Variants in NEK1 observed in about 807,000 individuals in gnomAD.
NEK1 encodes the protein NIMA related kinase 1.
A neutral mutation model predicts 182.1 loss-of-function variants in NEK1; 137 were observed. That is an observed-to-expected ratio of 0.75 (90% CI 0.65 to 0.87). The LOEUF is 0.87. Ranked by LOEUF, NEK1 falls within the 40% of genes least tolerant of loss-of-function variation. The pLI is 0.00. For synonymous variants in NEK1, 513 were observed against 492.2 expected, an observed-to-expected ratio of 1.04 and a Z score of -0.56; for missense variants, 1,391 against 1,494.4, an observed-to-expected ratio of 0.93 and a Z score of 1.14.
chr4:169,572,307 T>C, intron 12 of NEK1, among the ~76,000 whole-genome samples: 1 of 152,144 alleles, frequency 6.6e-6, no homozygotes, highest in East Asian at 1.9e-4. Flanking sequence ...ATTGACAGGA[T>C]ATGACGTAGA....
intron 27 of NEK1, among the ~76,000 whole-genome samples, chr4:169,460,867 T>C (rs967702850): frequency 3.3e-5 from 5 of 152,050 alleles, no homozygotes; most frequent in Middle Eastern, 3.2e-3. Flanking sequence ...ACAAATAAAG[T>C]CATAAGACAA....
At chr4:169,437,685 A>G (rs891375442) in intron 28 of NEK1, among the ~76,000 whole-genome samples, 10 of 152,200 alleles carry the variant, frequency 6.6e-5, no homozygotes, top group Non-Finnish European at 1.5e-4. Flanking sequence ...CTGAAACCAC[A>G]TAAAGAGGGA....
At chr4:169,410,264 A>G (rs1190282209) in intron 31 of NEK1, among the ~76,000 whole-genome samples, 1 of 152,146 alleles carries the variant, frequency 6.6e-6, no homozygotes, top group Non-Finnish European at 1.5e-5. Flanking sequence ...AAGTTCAAAC[A>G]GGAGTACCAA....
chr4:169,422,955 A>C (rs1181405255), intron 31 of NEK1, among the ~76,000 whole-genome samples: 1 of 152,136 alleles, frequency 6.6e-6, no homozygotes, highest in Non-Finnish European at 1.5e-5. Flanking sequence ...GAAGATCATA[A>C]ATTGGTTTTG....
chr4:169,524,393 G>A (rs896285825), intron 19 of NEK1, among the ~76,000 whole-genome samples: 7 of 151,048 alleles, frequency 4.6e-5, no homozygotes, highest in African/African-American at 1.2e-4. Flanking sequence ...CCCAGGAGGC[G>A]GAGGTTGCAG....
intron 29 of NEK1, 106 bp from the exon 30 acceptor site, chr4:169,426,340 G>C: frequency 2.4e-6 from 2 of 816,740 alleles, no homozygotes; most frequent in Admixed American, 2.2e-5. Flanking sequence ...AGCATTCTTT[G>C]ATCCCTCTTC....
At chr4:169,415,166 T>C (rs969813952) in intron 31 of NEK1, among the ~76,000 whole-genome samples, 4 of 152,246 alleles carry the variant, frequency 2.6e-5, no homozygotes, top group African/African-American at 9.6e-5. Flanking sequence ...TCTGTCCTTA[T>C]GTAAACAAAA....
chr4:169,513,283 T>C (rs574418542), intron 19 of NEK1, among the ~76,000 whole-genome samples: 8 of 152,318 alleles, frequency 5.3e-5, no homozygotes, highest in African/African-American at 9.6e-5. Context: ...TGTCATTTAA[T>C]TGCATTTAAT....
At chr4:169,414,193 A>C (rs868090378) in intron 31 of NEK1, among the ~76,000 whole-genome samples, 1 of 152,198 alleles carries the variant, frequency 6.6e-6, no homozygotes, top group Non-Finnish European at 1.5e-5. Context: ...AATATTAATA[A>C]TTGTGAACAA....
intron 9 of NEK1, among the ~76,000 whole-genome samples, chr4:169,586,701 C>T (rs1767594974): frequency 6.6e-6 from 1 of 151,486 alleles, no homozygotes; most frequent in African/African-American, 2.4e-5. Context: ...TCAGCTTATG[C>T]TTTTTTCCTT....
At chr4:169,572,163 G>T (rs887298223) in intron 12 of NEK1, among the ~76,000 whole-genome samples, 22 of 152,170 alleles carry the variant, frequency 1.4e-4, no homozygotes, top group African/African-American at 5.3e-4. Context: ...AACAGACTAA[G>T]AGGGTAAGTC....
Position 169,433,599 on chromosome 4 carries a change from G to T in NEK1, c.2831C>A (p.Pro944Gln). The T allele has an allele frequency of 6.2e-7, 1 of 1,613,272 alleles. No individual in the cohort carries two copies. The highest frequency in any genetic ancestry group is 8.5e-7 in the Non-Finnish European group (1 of 1,179,460). Residue 944 changes from proline to glutamine, a missense_variant, in exon 29 of 36, where the codon CCA becomes CAA. Around this residue, in one of 5 missense-constraint regions of NEK1, gnomAD observed 1,216 missense variants for 1,277.6 expected, o/e 0.95. Transcript: ENST00000507142. ...AATCCACACATCAGTAATAGTGCAT[G>T]GCAAGCTCTCATCTTTGTTTGTTCC... Reference protein sequence around the residue: ...PSGTNKDESLPCTITDVWISE... With the variant: ...PSGTNKDESLQCTITDVWISE...
At chr4:169,428,686 T>A (rs1308681649) in intron 29 of NEK1, among the ~76,000 whole-genome samples, 1 of 152,096 alleles carries the variant, frequency 6.6e-6, no homozygotes. Flanking sequence ...TGTAATTGAC[T>A]TGTACAATTT....
intron 27 of NEK1, among the ~76,000 whole-genome samples, chr4:169,448,732 C>T (rs577548533): frequency 2.6e-5 from 4 of 152,300 alleles, no homozygotes; most frequent in South Asian, 4.1e-4. Context: ...CAGCTTCCAG[C>T]GTGCTTGATG....
chr4:169,501,361 TA>T (rs1752391560), intron 23 of NEK1, among the ~76,000 whole-genome samples: 1 of 151,856 alleles, frequency 6.6e-6, no homozygotes, highest in South Asian at 2.1e-4. Context: ...CCAAAACTAA[TA>T]AATTCTAGAC....
chr4:169,552,220 C>A (rs1447575450), intron 18 of NEK1, among the ~76,000 whole-genome samples: 4 of 151,846 alleles, frequency 2.6e-5, no homozygotes, highest in African/African-American at 9.7e-5. Flanking sequence ...AAGTGATTAC[C>A]AGCTATGAAA....
chr4:169,572,368 G>A (rs1357887429), intron 12 of NEK1, among the ~76,000 whole-genome samples: 1 of 152,134 alleles, frequency 6.6e-6, no homozygotes, highest in Non-Finnish European at 1.5e-5. Context: ...AAATGGAAGG[G>A]CAGAGTTCCC....
At chr4:169,501,750 G>T (rs1416442316) in intron 23 of NEK1, among the ~76,000 whole-genome samples, 2 of 152,024 alleles carry the variant, frequency 1.3e-5, no homozygotes, top group African/African-American at 4.8e-5. Context: ...TATGGTAAAA[G>T]CAGTTAAAAG....
chr4:169,553,433 A>G (rs1285343046), intron 18 of NEK1, among the ~76,000 whole-genome samples: 2 of 152,144 alleles, frequency 1.3e-5, no homozygotes, highest in Non-Finnish European at 2.9e-5. Context: ...AGAAAACCCA[A>G]ATGAACTTGG....
Sources: allele counts gnomAD v4.1 joint callset (sites outside exome capture counted in the v4.1 genomes callset), GRCh38; gene constraint gnomAD v4.1.1; regional missense constraint gnomAD v4.1.1; transcripts MANE v1.5; gene names NCBI Gene and HGNC (gene_info 2026-07-23, HGNC 2026-07-21).